Variants in TCF4 observed in about 807,000 individuals in gnomAD.
TCF4 encodes the protein transcription factor 4, also known as SL3-3 enhancer factor 2.
In TCF4, 3 loss-of-function variants were observed where a neutral mutation model predicts 82.1. The ratio of observed to expected loss-of-function variants is 0.04; its 90% CI spans 0.02 to 0.09. TCF4 has a LOEUF of 0.09. Among genes scored for constraint, TCF4 ranks in the 10% least tolerant of loss-of-function variants. The probability of loss-of-function intolerance (pLI) is 1.00; values close to 1 mark genes in which losing one functional copy is unlikely to be tolerated. For synonymous variants in TCF4, 276 were observed against 309.6 expected (o/e 0.89, Z 1.14); for missense variants, 518 against 852.7 (o/e 0.61, Z 4.89).
intron 3 of TCF4, 84 bp downstream of exon 3, chr18:55,585,196 T>C: frequency 7.7e-7 from 1 of 1,294,888 alleles, no homozygotes; most frequent in Non-Finnish European, 1.1e-6. Context: ...TTTTCAGAAC[T>C]CTTCAACAGA....
At chr18:55,294,241 CAG>C (rs2065910981) in intron 8 of TCF4, among the ~76,000 whole-genome samples, 1 of 150,058 alleles carries the variant, frequency 6.7e-6, no homozygotes, top group Non-Finnish European at 1.5e-5. Flanking sequence ...GCCTGGGCGA[CAG>C]AGTGAGAATC....
At chr18:55,519,835 A>C (rs574136796) in intron 3 of TCF4, among the ~76,000 whole-genome samples, 56 of 152,330 alleles carry the variant, frequency 3.7e-4, no homozygotes, top group African/African-American at 1.3e-3. Context: ...TCCCAACTGC[A>C]AAAGCAAGTT....
intron 2 of TCF4, among the ~76,000 whole-genome samples, chr18:55,605,850 A>G (rs1250911182): frequency 6.6e-6 from 1 of 152,216 alleles, no homozygotes; most frequent in Non-Finnish European, 1.5e-5. Context: ...CAGGTTTTGC[A>G]TTCCAAAATA....
chr18:55,505,796 T>A (rs1479607551), intron 3 of TCF4, among the ~76,000 whole-genome samples: 1 of 97,038 alleles, frequency 1.0e-5, no homozygotes, highest in Admixed American at 1.4e-4. Flanking sequence ...AGAGCGAGAC[T>A]CCGTCTCAAA....
At chr18:55,364,667 T>A (rs560938251) in intron 6 of TCF4, among the ~76,000 whole-genome samples, 1 of 152,350 alleles carries the variant, frequency 6.6e-6, no homozygotes, top group East Asian at 1.9e-4. Flanking sequence ...TATCTGTGCA[T>A]GCACACACCA....
At chr18:55,436,646 G>C (rs1048345686) in intron 5 of TCF4, among the ~76,000 whole-genome samples, 1 of 152,134 alleles carries the variant, frequency 6.6e-6, no homozygotes, top group African/African-American at 2.4e-5. Flanking sequence ...GTTAGCCGGG[G>C]ACCTCATAGG....
chr18:55,270,003 T>C, intron 10 of TCF4, 40 bp from the exon 11 acceptor site: 2 of 1,611,428 alleles, frequency 1.2e-6, no homozygotes, highest in Non-Finnish European at 1.7e-6. Context: ...TATTTAATCA[T>C]AAGGTATTTA....
intron 2 of TCF4, among the ~76,000 whole-genome samples, chr18:55,595,240 C>G (rs2097689704): frequency 6.6e-6 from 1 of 152,152 alleles, no homozygotes. Context: ...TTTTCCTTTC[C>G]CAAACCCTCA....
chr18:55,350,263 TG>T, intron 8 of TCF4, 95 bp downstream of exon 8: 1 of 1,310,318 alleles, frequency 7.6e-7, no homozygotes, highest in South Asian at 1.2e-5. Flanking sequence ...CGTGCTGCTC[TG>T]GGCGCATGGA....
In TCF4 at chr18:55,586,116, A is replaced by AGAGGAG. The variant is rs987632444; in HGVS notation, c.73-770_73-765dup. On this transcript the variant is annotated intron_variant, in intron 2 of 19. Coordinates refer to ENST00000354452, the MANE Select transcript of TCF4 (RefSeq NM_001083962.2). Reference sequence around the variant, plus strand: ...CCATTTCTCCAAAAGAAGGTCTAGAAGAGGAGGAGGAGGAGGAGAAGGAGG... The same window carrying AGAGGAG: ...CCATTTCTCCAAAAGAAGGTCTAGAAGAGGAGGAGGAGGAGGAGGAGGAGAAGGAGG... 23 of 1,412,810 alleles carry AGAGGAG rather than the reference A, an allele frequency of 1.6e-5. 4 individuals are homozygous for AGAGGAG. The highest frequency in any genetic ancestry group is 3.8e-5 in the South Asian group (3 of 79,620). The allele number at this position is 1,412,810 out of a possible 1,614,324, so 87.5% of individuals were successfully genotyped here. A position where few individuals can be genotyped will look rare whatever the true frequency, so the allele number is the denominator to read the frequency against.
chr18:55,355,513 C>A (rs2083298702), intron 6 of TCF4, among the ~76,000 whole-genome samples: 1 of 152,098 alleles, frequency 6.6e-6, no homozygotes, highest in African/African-American at 2.4e-5. Context: ...CTGCTGTTGG[C>A]ACTTACTCTG....
In TCF4 at chr18:55,302,368, A is replaced by G. The variant is rs550278880; in HGVS notation, c.550-22712T>C. ...GCACAGTGCAGCCCAAGAGGTGTCA[A>G]GTCAGGCAGGCTCAGGATAGACCAC... is the stretch of plus-strand genomic sequence containing the variant. On this transcript the variant is annotated intron_variant, in intron 8 of 19. Transcript: ENST00000354452. The G allele has an allele frequency of 1.2e-4, 187 of 1,511,310 alleles. 2 individuals are homozygous for G. The South Asian group carries it at 2.0e-3, about 16-fold the overall frequency. 93.6% of individuals were successfully genotyped at this position (1,511,310 alleles called of 1,614,324 possible).
chr18:55,397,279 C>G (rs1308389330), intron 6 of TCF4, among the ~76,000 whole-genome samples: 1 of 152,154 alleles, frequency 6.6e-6, no homozygotes, highest in Admixed American at 6.5e-5. Context: ...TAACCTGAAC[C>G]TGCATAAACC....
intron 8 of TCF4, chr18:55,322,424 A>AG (rs1205294269): frequency 1.2e-5 from 11 of 903,694 alleles, no homozygotes; most frequent in South Asian, 5.2e-5. Flanking sequence ...AGGGGAGGGA[A>AG]GAAAAAAAAA....
chr18:55,315,578 C>A (rs910290110), intron 8 of TCF4, among the ~76,000 whole-genome samples: 1 of 152,076 alleles, frequency 6.6e-6, no homozygotes, highest in Non-Finnish European at 1.5e-5. Context: ...AATTCTCAAA[C>A]CACTTTCAAG....
chr18:55,373,132 G>C (rs2089780918), intron 6 of TCF4, among the ~76,000 whole-genome samples: 1 of 151,756 alleles, frequency 6.6e-6, no homozygotes, highest in African/African-American at 2.4e-5. Context: ...AAAATGTAAA[G>C]CTAAATGCTG....
chr18:55,544,795 C>A (rs1033352148), intron 3 of TCF4, among the ~76,000 whole-genome samples: 2 of 152,098 alleles, frequency 1.3e-5, no homozygotes, highest in Non-Finnish European at 2.9e-5. Context: ...CCAACATGCA[C>A]ACCTACGAGT....
rs1042678685 is a variant in TCF4, at chr18:55,226,024, T to A, written c.*2011A>T. ...AGACTTCTTTTTAAACCACAGTTTT[T>A]AAAAAAAAACAAAAACTGATACAAT... On this transcript the variant is annotated 3_prime_UTR_variant, in exon 20 of 20. Transcript: ENST00000354452. 15 of 151,246 alleles carry A rather than the reference T, an allele frequency of 9.9e-5. No homozygotes were observed. Among genetic ancestry groups the A allele is most frequent in the Admixed American group, 2.0e-4 (3 of 15,122 alleles). 9.4% of individuals were successfully genotyped at this position (151,246 alleles called of 1,614,324 possible).
intron 6 of TCF4, among the ~76,000 whole-genome samples, chr18:55,370,430 T>TAGAG (rs1305022251): frequency 8.3e-5 from 7 of 84,344 alleles, no homozygotes; most frequent in Admixed American, 6.6e-4. Flanking sequence ...AGACAGATGA[T>TAGAG]AGATAGATAG....
Sources: gnomAD v4.1 joint callset for allele counts (sites outside exome capture counted in the v4.1 genomes callset) on GRCh38, gnomAD v4.1.1 for gene constraint, MANE v1.5 for transcripts, NCBI Gene and HGNC (gene_info 2026-07-23, HGNC 2026-07-21) for gene names.